PFKP: variants seen among roughly 807,000 people sequenced by gnomAD.
PFKP encodes the protein ATP-dependent 6-phosphofructokinase, platelet type.
In PFKP, 101 loss-of-function variants were observed where a neutral mutation model predicts 94.3. The ratio of observed to expected loss-of-function variants is 1.07; its 90% CI spans 0.91 to 1.26. PFKP has a LOEUF of 1.26. Among genes scored for constraint, PFKP ranks in the 50% most tolerant of loss-of-function variants. The pLI, the probability that PFKP is intolerant of heterozygous loss-of-function variation, is 0.00. For missense variants in PFKP, 1,145 were observed against 1,103.3 expected (o/e 1.04, Z -0.53); for synonymous variants, 573 against 432.6 (o/e 1.32, Z -4.03).
intron 7 of PFKP, among the ~76,000 whole-genome samples, chr10:3,106,590 CA>C: frequency 7.0e-6 from 1 of 142,362 alleles, no homozygotes. Flanking sequence ...CCTGCTCCTT[CA>C]CCCCTGCCCC....
In PFKP at chr10:3,135,806, T is replaced by G. The variant is rs139262134; in HGVS notation, c.2193T>G (p.Pro731=). ...GCAAAAGAAACGTTATTTTTCAACC[T>G]GTGGCAGAGCTGAAGAAGCAAACGG... ...GISKRNVIFQ[P]VAELKKQTDF... is the part of the protein sequence containing the mutation. The change falls in exon 21 of 22, where the codon CCT becomes CCG. Residue 731 remains proline, a synonymous_variant. Transcript: ENST00000381125. 2 of 1,613,350 alleles carry G rather than the reference T, an allele frequency of 1.2e-6. No homozygotes were observed. The highest frequency in any genetic ancestry group is 1.7e-6 in the Non-Finnish European group (2 of 1,179,268).
At chr10:3,102,390 GTTTA>G (rs987702457) in intron 4 of PFKP, among the ~76,000 whole-genome samples, 7 of 151,598 alleles carry the variant, frequency 4.6e-5, no homozygotes, top group Non-Finnish European at 8.8e-5. Flanking sequence ...TGTGTATGTG[GTTTA>G]TTTTTGTTTT....
chr10:3,127,874 C>T (rs1277312825), intron 16 of PFKP, among the ~76,000 whole-genome samples: 2 of 152,194 alleles, frequency 1.3e-5, no homozygotes, highest in Admixed American at 1.3e-4. Context: ...ACTGGAAATA[C>T]AGTTTGGAAT....
chr10:3,093,865 C>A (rs191006298), intron 2 of PFKP, among the ~76,000 whole-genome samples: 2,000 of 152,156 alleles, frequency 0.013, 16 homozygotes, highest in Non-Finnish European at 0.017. Context: ...GGATGGTCTC[C>A]ATCTCCTGAC....
chr10:3,117,692 C>T (rs1032773598), intron 14 of PFKP, among the ~76,000 whole-genome samples: 6 of 152,086 alleles, frequency 3.9e-5, no homozygotes, highest in Non-Finnish European at 7.4e-5. Flanking sequence ...CGGTAAAGCT[C>T]TAGGTAGAGG....
intron 20 of PFKP, 88 bp downstream of exon 20, chr10:3,134,670 G>T: frequency 1.2e-6 from 1 of 825,948 alleles, no homozygotes. Flanking sequence ...GAGAAGTAGG[G>T]TGCTGGTTCC....
intron 2 of PFKP, among the ~76,000 whole-genome samples, chr10:3,095,572 G>T (rs1588446814): frequency 6.6e-6 from 1 of 152,196 alleles, no homozygotes; most frequent in South Asian, 2.1e-4. Context: ...CTGAGATAAG[G>T]TTAAAGGTTT....
intron 16 of PFKP, chr10:3,125,271 T>C (rs2306309): frequency 0.23 from 292,276 of 1,269,612 alleles, 34,689 homozygotes; most frequent in African/African-American, 0.31. Context: ...CCGTTTCCTC[T>C]CATTGCTTTT....
intron 7 of PFKP, among the ~76,000 whole-genome samples, chr10:3,106,285 A>G (rs1216316772): frequency 2.2e-5 from 1 of 45,488 alleles, no homozygotes; most frequent in African/African-American, 9.5e-5. Context: ...CATGGCGTGC[A>G]CGGGGCGCCT....
intron 16 of PFKP, among the ~76,000 whole-genome samples, chr10:3,121,588 T>A (rs535395883): frequency 6.7e-6 from 1 of 150,216 alleles, no homozygotes; most frequent in African/African-American, 2.4e-5. Context: ...ACTGTTTTTT[T>A]TTTTTTTTTT....
At chr10:3,118,288 G>A (rs1267781630) in intron 14 of PFKP, among the ~76,000 whole-genome samples, 1 of 152,096 alleles carries the variant, frequency 6.6e-6, no homozygotes, top group Non-Finnish European at 1.5e-5. Context: ...CCAACATGGT[G>A]AAACCCTGTC....
At chr10:3,079,456 G>A (rs923806356) in intron 1 of PFKP, among the ~76,000 whole-genome samples, 12 of 151,910 alleles carry the variant, frequency 7.9e-5, no homozygotes, top group African/African-American at 2.7e-4. Context: ...GGATGGTCTC[G>A]ATCTCCTGAC....
chr10:3,119,877 A>G lies in PFKP; in HGVS notation c.1531-15A>G. ...GCTTCCCTCTCGCCCCACAACTCCC[A>G]CGCTTGTCTGACAGGCCTACCTGGG... is the stretch of plus-strand genomic sequence containing the variant. On this transcript the variant is annotated splice_polypyrimidine_tract_variant and intron_variant, in intron 15 of 21. Transcript: ENST00000381125. 6.2e-7 allele frequency: 1 copy of G among 1,613,216 alleles called. No homozygotes were observed. The highest frequency in any genetic ancestry group is 8.5e-7 in the Non-Finnish European group (1 of 1,179,662).
chr10:3,114,425 C>T (rs1433330602), intron 13 of PFKP, among the ~76,000 whole-genome samples: 1 of 152,234 alleles, frequency 6.6e-6, no homozygotes, highest in African/African-American at 2.4e-5. Context: ...GCTGGGATTA[C>T]AGGCATGACC....
At chr10:3,071,557 C>T (rs1031462184) in intron 1 of PFKP, among the ~76,000 whole-genome samples, 5 of 151,370 alleles carry the variant, frequency 3.3e-5, no homozygotes, top group African/African-American at 7.3e-5. Context: ...CTCTGAATGG[C>T]GGACTTACCA....
At chr10:3,096,735 G>A (rs1192047954) in intron 2 of PFKP, among the ~76,000 whole-genome samples, 4 of 151,890 alleles carry the variant, frequency 2.6e-5, no homozygotes, top group African/African-American at 9.7e-5. Context: ...TCCCAGACCT[G>A]AAGAATGGAG....
chr10:3,074,641 G>A (rs1277304428), intron 1 of PFKP, among the ~76,000 whole-genome samples: 1 of 152,216 alleles, frequency 6.6e-6, no homozygotes, highest in Non-Finnish European at 1.5e-5. Context: ...AGGGCTTGGG[G>A]TGAATGGGCA....
At chr10:3,089,532 C>A (rs1833886874) in intron 2 of PFKP, among the ~76,000 whole-genome samples, 1 of 151,944 alleles carries the variant, frequency 6.6e-6, no homozygotes, top group Admixed American at 6.6e-5. Flanking sequence ...TGCAATGCAT[C>A]ATGATAAAAT....
At chr10:3,075,228 T>C (rs570766302) in intron 1 of PFKP, among the ~76,000 whole-genome samples, 1 of 151,634 alleles carries the variant, frequency 6.6e-6, no homozygotes, top group East Asian at 2.0e-4. Flanking sequence ...GCCTGGGCGT[T>C]AGGGCCGTTA....
Sources: gnomAD v4.1 joint callset for allele counts (sites outside exome capture counted in the v4.1 genomes callset) on GRCh38, gnomAD v4.1.1 for gene constraint, MANE v1.5 for transcripts, NCBI Gene and HGNC (gene_info 2026-07-23, HGNC 2026-07-21) for gene names.